The following GATB variants were observed in gnomAD, a reference collection of about 807,000 sequenced individuals.
GATB encodes the protein glutamyl-tRNA(Gln) amidotransferase subunit B, mitochondrial.
Under a neutral mutation model 62.3 loss-of-function variants are expected in GATB, and 39 were observed. The observed-to-expected ratio is 0.63, with a 90% CI of 0.48 to 0.82. The LOEUF (loss-of-function observed/expected upper bound fraction) is 0.82, where lower values mean the gene tolerates loss of function less well. GATB is among the 40% of genes least tolerant of loss of function. The pLI is 0.00. For synonymous variants in GATB, 276 were observed against 258.9 expected, an observed-to-expected ratio of 1.07 and a Z score of -0.63; for missense variants, 670 against 684.0, an observed-to-expected ratio of 0.98 and a Z score of 0.23.
At chr4:151,705,095 C>T in intron 7 of GATB, 90 bp downstream of exon 7, 1 of 842,536 alleles carries the variant, frequency 1.2e-6, no homozygotes, top group East Asian at 2.4e-5. Flanking sequence ...TACGTGCCTC[C>T]TTCAAGGTCA....
chr4:151,740,199 C>T (rs1739456133), intron 2 of GATB, among the ~76,000 whole-genome samples: 1 of 152,214 alleles, frequency 6.6e-6, no homozygotes, highest in Admixed American at 6.5e-5. Flanking sequence ...CCCACTAAAA[C>T]TACACAATAT....
intron 9 of GATB, among the ~76,000 whole-genome samples, chr4:151,698,790 C>T (rs1457383827): frequency 6.6e-6 from 1 of 152,074 alleles, no homozygotes; most frequent in Non-Finnish European, 1.5e-5. Context: ...ATACTAATCA[C>T]CCAATACATT....
rs558689009 is a variant in GATB at position 151,711,193 on chromosome 4, T to C, written c.764-3092A>G. Among the ~76,000 whole-genome samples the C allele has an allele frequency of 3.9e-5, 6 of 152,312 alleles. No individual in the cohort carries two copies. In the East Asian group the frequency reaches 1.2e-3, roughly 29 times the overall value. ...CAGCATCATCTTCCATCTGAACTAT[T>C]GCAAAAGCTTCTTAACTGGTCTCCT... On this transcript the variant is annotated intron_variant, in intron 5 of 12. Transcript: ENST00000263985.
chr4:151,688,877 T>C (rs1738307911), intron 9 of GATB, 114 bp from the exon 10 acceptor site: 1 of 995,482 alleles, frequency 1.0e-6, no homozygotes, highest in Non-Finnish European at 1.5e-6. Context: ...AGCCACTTTT[T>C]CTTTGCTAAA....
chr4:151,751,033 A>G (rs1321953099), intron 2 of GATB, among the ~76,000 whole-genome samples: 1 of 152,176 alleles, frequency 6.6e-6, no homozygotes, highest in African/African-American at 2.4e-5. Context: ...TCAGTTAGAA[A>G]AAAGGATGGT....
intron 2 of GATB, among the ~76,000 whole-genome samples, chr4:151,734,786 C>G (rs1739337036): frequency 6.6e-6 from 1 of 152,192 alleles, no homozygotes; most frequent in Non-Finnish European, 1.5e-5. Context: ...CACATCCTTA[C>G]AGTCAACTGA....
intron 5 of GATB, among the ~76,000 whole-genome samples, chr4:151,711,927 C>A (rs1400434164): frequency 1.3e-5 from 2 of 152,188 alleles, no homozygotes. Flanking sequence ...TAGGACTAAT[C>A]TGCAGTTGGA....
rs1447304856 is a variant in GATB, at chr4:151,716,129, C to T, written c.643G>A (p.Val215Met). The change falls in exon 5 of 13, where the codon GTG becomes ATG. Residue 215 changes from valine to methionine, a missense_variant and splice_region_variant. Val to Met is a conservative substitution (Grantham distance 21, BLOSUM62 1). Transcript: ENST00000263985. ...TCCAGGACCACCTCCAGAAGGCCCA[C>T]TCCTACCAAAGAGGGGCAGAGTCAG... Reference protein sequence around the residue: ...QTLIDLNRAGVGLLEVVLEPD... With the variant: ...QTLIDLNRAGMGLLEVVLEPD... The T allele has an allele frequency of 6.2e-7, 1 of 1,613,026 alleles. No individual in the cohort carries two copies.
chr4:151,757,582 C>A (rs1739860226), intron 2 of GATB, among the ~76,000 whole-genome samples: 1 of 149,882 alleles, frequency 6.7e-6, no homozygotes, highest in Admixed American at 6.7e-5. Context: ...ACGCCATTCT[C>A]CTGCCTCAGC....
In GATB at chr4:151,731,877, G is replaced by A. The variant is rs1022509131; in HGVS notation, c.328-12339C>T. Among the ~76,000 whole-genome samples, 6 of 151,604 alleles carry A rather than the reference G, an allele frequency of 4.0e-5. No individual in the cohort carries two copies. In the East Asian group the frequency reaches 9.8e-4, roughly 25 times the overall value. Reference sequence around the variant, plus strand: ...TGAGAAGTGAGGAGCCCCTCCGCCCGGCAGCCACCCAGCAGCCGCCCCATC... The same window carrying A: ...TGAGAAGTGAGGAGCCCCTCCGCCCAGCAGCCACCCAGCAGCCGCCCCATC... On this transcript the variant is annotated intron_variant, in intron 2 of 12. Transcript: ENST00000263985.
chr4:151,722,206 T>C, intron 2 of GATB: 1 of 702,420 alleles, frequency 1.4e-6, no homozygotes, highest in Admixed American at 2.0e-5. Context: ...CAACTTGGGC[T>C]GTCTTCACTC....
At chr4:151,727,467 T>C (rs1739158492) in intron 2 of GATB, among the ~76,000 whole-genome samples, 1 of 152,330 alleles carries the variant, frequency 6.6e-6, no homozygotes, top group South Asian at 2.1e-4. Context: ...CCATGTTAGA[T>C]AGGGAGGTTA....
intron 2 of GATB, among the ~76,000 whole-genome samples, chr4:151,739,531 A>C (rs1739444438): frequency 6.6e-6 from 1 of 152,212 alleles, no homozygotes; most frequent in Non-Finnish European, 1.5e-5. Context: ...CCGCAAACAC[A>C]CATAAAAATG....
chr4:151,757,629 T>C (rs1347827835), intron 2 of GATB, among the ~76,000 whole-genome samples: 8 of 152,052 alleles, frequency 5.3e-5, no homozygotes, highest in East Asian at 1.9e-4. Context: ...CCCACCACCA[T>C]GCCCGGCTAA....
rs1465040211 is a variant in GATB at position 151,701,322 on chromosome 4, T to C, written c.1197+7A>G. On this transcript the variant is annotated splice_region_variant and intron_variant, in intron 9 of 12. Coordinates refer to ENST00000263985, the MANE Select transcript of GATB (RefSeq NM_004564.3). ...CGGGATCCTCTTGGCATCCGATCGA[T>C]ACCTACCAGCAAAGTGAAGCTGTGT... 6.5e-7 allele frequency: 1 copy of C among 1,530,040 alleles called. No homozygotes were observed. Among genetic ancestry groups the C allele is most frequent in the Admixed American group, 1.9e-5 (1 of 51,842 alleles). 94.8% of individuals were successfully genotyped at this position (1,530,040 alleles called of 1,614,324 possible). A position where few individuals can be genotyped will look rare whatever the true frequency, so the allele number is the denominator to read the frequency against.
At chr4:151,698,578 T>C (rs913489351) in intron 9 of GATB, among the ~76,000 whole-genome samples, 2 of 152,204 alleles carry the variant, frequency 1.3e-5, no homozygotes, top group African/African-American at 4.8e-5. Context: ...GTTGTGTTTC[T>C]GATGAAGGCA....
At chr4:151,694,511 T>A (rs1738430292) in intron 9 of GATB, among the ~76,000 whole-genome samples, 1 of 152,226 alleles carries the variant, frequency 6.6e-6, no homozygotes, top group Non-Finnish European at 1.5e-5. Flanking sequence ...ATTTTTCTAG[T>A]GTATAGAGTC....
chr4:151,738,475 C>T (rs1739423204), intron 2 of GATB, among the ~76,000 whole-genome samples: 1 of 152,190 alleles, frequency 6.6e-6, no homozygotes, highest in Non-Finnish European at 1.5e-5. Flanking sequence ...ATTGTGAGGC[C>T]TCCCCAGCCA....
chr4:151,695,858 A>G (rs1347222305), intron 9 of GATB, among the ~76,000 whole-genome samples: 1 of 151,530 alleles, frequency 6.6e-6, no homozygotes, highest in Non-Finnish European at 1.5e-5. Flanking sequence ...TCTGGGCTCG[A>G]GCAATTCTCC....
Sources: allele counts gnomAD v4.1 joint callset (sites outside exome capture counted in the v4.1 genomes callset), GRCh38; gene constraint gnomAD v4.1.1; transcripts MANE v1.5; gene names NCBI Gene and HGNC (gene_info 2026-07-23, HGNC 2026-07-21).